The following ADAM17 variants were observed in gnomAD, a reference collection of about 807,000 sequenced individuals.
The protein encoded by ADAM17 is ADAM metallopeptidase domain 17.
A neutral mutation model predicts 96.7 loss-of-function variants in ADAM17; 39 were observed. That is an observed-to-expected ratio of 0.40 (90% CI 0.31 to 0.53). The LOEUF (loss-of-function observed/expected upper bound fraction) is 0.53. Ranked by LOEUF, ADAM17 falls within the 20% of genes least tolerant of loss-of-function variation. ADAM17 has a pLI of 0.44. For synonymous variants in ADAM17, 344 were observed against 359.2 expected (o/e 0.96, Z 0.48); for missense variants, 777 against 1,013.2 (o/e 0.77, Z 3.17).
At chr2:9,511,919 C>T (rs891236495) in intron 10 of ADAM17, among the ~76,000 whole-genome samples, 2 of 151,636 alleles carry the variant, frequency 1.3e-5, no homozygotes, top group African/African-American at 2.4e-5. Context: ...TGCTGTGAGC[C>T]GAGATAGGCC....
chr2:9,533,318 G>A (rs1186737610), intron 4 of ADAM17, among the ~76,000 whole-genome samples: 1 of 151,942 alleles, frequency 6.6e-6, no homozygotes, highest in Non-Finnish European at 1.5e-5. Flanking sequence ...AGAGGCCGAG[G>A]CTGGCAGATC....
intron 1 of ADAM17, among the ~76,000 whole-genome samples, chr2:9,549,461 T>C (rs1461035876): frequency 6.6e-6 from 1 of 152,224 alleles, no homozygotes; most frequent in Non-Finnish European, 1.5e-5. Context: ...TATATAACCG[T>C]CCCACACGTA....
chr2:9,526,355 A>G, intron 5 of ADAM17, 111 bp from the exon 6 acceptor site: 1 of 1,115,862 alleles, frequency 9.0e-7, no homozygotes, highest in Non-Finnish European at 1.3e-6. Context: ...TGAGCTTAAT[A>G]TCACTAAAGG....
At chr2:9,516,015 C>CTGAG (rs1664039924) in intron 10 of ADAM17, among the ~76,000 whole-genome samples, 1 of 149,396 alleles carries the variant, frequency 6.7e-6, no homozygotes, top group Non-Finnish European at 1.5e-5. Context: ...GCAATCCTCC[C>CTGAG]ACCTCAGCCT....
intron 10 of ADAM17, among the ~76,000 whole-genome samples, chr2:9,516,272 A>C (rs78410853): frequency 0.01 from 1,522 of 152,100 alleles, 22 homozygotes; most frequent in African/African-American, 0.031. Context: ...TTAATTTTGT[A>C]GAGACAGGGT....
At chr2:9,498,531 A>G (rs1334689704) in intron 13 of ADAM17, among the ~76,000 whole-genome samples, 1 of 152,246 alleles carries the variant, frequency 6.6e-6, no homozygotes, top group Non-Finnish European at 1.5e-5. Flanking sequence ...AATGAAGCCA[A>G]TCAAAAGAAT....
At chr2:9,490,550 GAA>G in intron 18 of ADAM17, 32 bp from the exon 19 acceptor site, 1 of 1,580,518 alleles carries the variant, frequency 6.3e-7, no homozygotes, top group East Asian at 2.3e-5. Flanking sequence ...TGATTGATAG[GAA>G]TAAAAGATGA....
At chr2:9,506,118 G>A (rs912703761) in intron 11 of ADAM17, among the ~76,000 whole-genome samples, 1 of 152,022 alleles carries the variant, frequency 6.6e-6, no homozygotes, top group Non-Finnish European at 1.5e-5. Context: ...GAGGCTTAGG[G>A]AAAACTGAGC....
At chr2:9,531,341 GC>G (rs1486719036) in intron 4 of ADAM17, among the ~76,000 whole-genome samples, 2 of 151,182 alleles carry the variant, frequency 1.3e-5, no homozygotes, top group Non-Finnish European at 3.0e-5. Flanking sequence ...GCCGAGGTGG[GC>G]AGATCACAAG....
At chr2:9,546,434 G>GT in intron 1 of ADAM17, among the ~76,000 whole-genome samples, 2 of 152,256 alleles carry the variant, frequency 1.3e-5, no homozygotes, top group Middle Eastern at 6.8e-3. Flanking sequence ...CTGTAGCTAC[G>GT]TACTACTGCT....
At position 9,514,602 on chromosome 2, in the gene ADAM17, G is replaced by A. The variant is rs112723384; in HGVS notation, c.1191+3299C>T. On this transcript the variant is annotated intron_variant, in intron 10 of 18. Transcript: ENST00000310823. ...AGAGACAGGGTCTCAGGCCAGGCAC[G>A]GTGGCTCACGCCTGTAATTCCAACA... Among the ~76,000 whole-genome samples the A allele has an allele frequency of 2.1e-3, 292 of 139,110 alleles. 2 individuals are homozygous for A. The highest frequency in any genetic ancestry group is 7.4e-3 in the African/African-American group (280 of 37,694). The allele number at this position is 139,110 out of a possible 152,430, so 91.3% of individuals were successfully genotyped here.
chr2:9,525,736 CAAAAGA>C (rs1664499592), intron 6 of ADAM17, among the ~76,000 whole-genome samples: 1 of 152,036 alleles, frequency 6.6e-6, no homozygotes, highest in Non-Finnish European at 1.5e-5. Context: ...TACATATAAG[CAAAAGA>C]AAAACATGGG....
At chr2:9,530,358 C>G (rs1664689355) in intron 4 of ADAM17, among the ~76,000 whole-genome samples, 1 of 152,184 alleles carries the variant, frequency 6.6e-6, no homozygotes, top group Admixed American at 6.5e-5. Context: ...AAACCTCAAC[C>G]ATACCTCACT....
chr2:9,490,573 C>T lies in ADAM17; in HGVS notation c.2134-55G>A, dbSNP rs1457833318. On this transcript the variant is annotated intron_variant, in intron 18 of 18. Transcript: ENST00000310823. ...AGGAATAAAAGATGAATCGGAGGTCCTCACAGCTCCACCCTTACCCATCAA... is the reference window on the plus strand; with the variant it reads ...AGGAATAAAAGATGAATCGGAGGTCTTCACAGCTCCACCCTTACCCATCAA... 7 of 1,499,324 alleles carry T rather than the reference C, an allele frequency of 4.7e-6. No individual in the cohort carries two copies. In the East Asian group the frequency reaches 1.7e-4, roughly 36 times the overall value. 92.9% of individuals were successfully genotyped at this position (1,499,324 alleles called of 1,614,324 possible). A position where few individuals can be genotyped will look rare whatever the true frequency, so the allele number is the denominator to read the frequency against.
rs1263091359 is a variant in ADAM17, at chr2:9,555,792, G to A, written c.-187C>T. 1.1e-5 allele frequency: 5 copies of A among 461,790 alleles called. No homozygotes were observed. Among genetic ancestry groups the A allele is most frequent in the South Asian group, 5.0e-5 (1 of 20,110 alleles). The allele number at this position is 461,790 out of a possible 1,614,324, so 28.6% of individuals were successfully genotyped here. Reference sequence around the variant, plus strand: ...CGACGCCCCCAGAAGTGCAGGTGGCGTTACCAAAGGCCGGCTCAGCCAGCT... The same window carrying A: ...CGACGCCCCCAGAAGTGCAGGTGGCATTACCAAAGGCCGGCTCAGCCAGCT... On this transcript the variant is annotated 5_prime_UTR_variant, in exon 1 of 19. It adds an upstream start codon to the 5' untranslated region. Transcript: ENST00000310823.
chr2:9,514,568 T>TATATATATATAA (rs1558510006), intron 10 of ADAM17, among the ~76,000 whole-genome samples: 12 of 100,536 alleles, frequency 1.2e-4, no homozygotes, highest in Non-Finnish European at 1.8e-4. Context: ...TATATATATA[T>TATATATATATAA]AAATAAAAAG....
At chr2:9,551,028 TTGCGCCAC>T (rs1665575159) in intron 1 of ADAM17, among the ~76,000 whole-genome samples, 1 of 151,722 alleles carries the variant, frequency 6.6e-6, no homozygotes, top group Non-Finnish European at 1.5e-5. Context: ...TAAGCCAAGA[TTGCGCCAC>T]TGCGCTCCAG....
At chr2:9,529,173 G>A (rs11693156) in intron 4 of ADAM17, among the ~76,000 whole-genome samples, 23,928 of 152,186 alleles carry the variant, frequency 0.16, 2,114 homozygotes, top group Middle Eastern at 0.28. Context: ...ACACAGGCTG[G>A]GCGTGGTGGC....
chr2:9,493,289 C>G (rs745408594), intron 16 of ADAM17, among the ~76,000 whole-genome samples: 2 of 152,136 alleles, frequency 1.3e-5, no homozygotes, highest in Non-Finnish European at 2.9e-5. Context: ...CTTAAGAAGA[C>G]AAAGTTTTTG....
Sources: allele counts gnomAD v4.1 joint callset (sites outside exome capture counted in the v4.1 genomes callset), GRCh38; gene constraint gnomAD v4.1.1; transcripts MANE v1.5; gene names NCBI Gene and HGNC (gene_info 2026-07-23, HGNC 2026-07-21).